The following NMNAT2 variants were observed in gnomAD, a reference collection of about 807,000 sequenced individuals.
The protein encoded by NMNAT2 is nicotinamide/nicotinic acid mononucleotide adenylyltransferase 2.
In NMNAT2, 11 loss-of-function variants were observed where a neutral mutation model predicts 41.6. The observed-to-expected ratio is 0.26, with a 90% CI of 0.17 to 0.44. The LOEUF is 0.44. NMNAT2 is among the 20% of genes least tolerant of loss of function. NMNAT2 has a pLI of 1.00. For missense variants in NMNAT2, 288 were observed against 407.7 expected, an observed-to-expected ratio of 0.71 and a Z score of 2.53; for synonymous variants, 148 against 151.2, an observed-to-expected ratio of 0.98 and a Z score of 0.16.
chr1:183,350,908 C>G (rs150680985), intron 1 of NMNAT2, among the ~76,000 whole-genome samples: 160 of 152,286 alleles, frequency 1.1e-3, no homozygotes, highest in Admixed American at 5.4e-3. Context: ...CGAGCTAGTT[C>G]ACTGAGTTCA....
rs543635337 is a variant in NMNAT2 at position 183,356,126 on chromosome 1, CAT to C, written c.85+62055_85+62056del. Reference sequence around the variant, plus strand: ...GACACTATTGAGAGGTGCACAATCTCATAGAATCCTCAGGACAACGCCAGGAA... The same window carrying C: ...GACACTATTGAGAGGTGCACAATCTCAGAATCCTCAGGACAACGCCAGGAA... On this transcript the variant is annotated intron_variant, in intron 1 of 10. Transcript: ENST00000287713. 6.6e-5 allele frequency among the ~76,000 whole-genome samples: 10 copies of C among 152,354 alleles called. No individual in the cohort carries two copies. In the South Asian group the frequency reaches 2.1e-3, roughly 32 times the overall value.
At chr1:183,289,893 G>T (rs934561319) in intron 4 of NMNAT2, among the ~76,000 whole-genome samples, 3 of 152,216 alleles carry the variant, frequency 2.0e-5, no homozygotes, top group African/African-American at 7.2e-5. Flanking sequence ...GGGAGGTCAA[G>T]ACAGAGGGTG....
intron 1 of NMNAT2, among the ~76,000 whole-genome samples, chr1:183,391,732 C>T (rs978459010): frequency 1.3e-5 from 2 of 152,146 alleles, no homozygotes; most frequent in Non-Finnish European, 2.9e-5. Context: ...GTGTCAAAGC[C>T]TTCAAAGTGG....
chr1:183,397,421 C>T (rs1378129729), intron 1 of NMNAT2, among the ~76,000 whole-genome samples: 1 of 151,986 alleles, frequency 6.6e-6, no homozygotes, highest in Admixed American at 6.6e-5. Context: ...TGTGAAAAGA[C>T]CAAATCTATG....
intron 1 of NMNAT2, among the ~76,000 whole-genome samples, chr1:183,324,940 A>C (rs948598117): frequency 6.6e-6 from 1 of 152,110 alleles, no homozygotes; most frequent in Non-Finnish European, 1.5e-5. Context: ...GAATGAATGG[A>C]TCTCTGGACT....
intron 3 of NMNAT2, among the ~76,000 whole-genome samples, chr1:183,292,369 G>A (rs1319931808): frequency 1.3e-5 from 2 of 152,192 alleles, no homozygotes; most frequent in African/African-American, 2.4e-5. Context: ...GGGCCCTTAG[G>A]GAGCCTGAGT....
intron 1 of NMNAT2, among the ~76,000 whole-genome samples, chr1:183,309,118 G>C (rs1224443872): frequency 6.6e-6 from 1 of 152,188 alleles, no homozygotes; most frequent in East Asian, 1.9e-4. Flanking sequence ...CCTGGGCTCA[G>C]CCTCCCGAGT....
At chr1:183,304,676 G>C (rs1318569425) in intron 1 of NMNAT2, 3 of 1,613,996 alleles carry the variant, frequency 1.9e-6, no homozygotes, top group South Asian at 1.1e-5. Flanking sequence ...TCACCTGAGA[G>C]AGTAACAAAC....
rs185504743 is a variant in NMNAT2, at chr1:183,273,111, C to T, written c.651+5442G>A. Among the ~76,000 whole-genome samples, 92 of 152,348 alleles carry T rather than the reference C, an allele frequency of 6.0e-4. 1 individual carries two copies. The highest frequency in any genetic ancestry group is 3.4e-3 in the Middle Eastern group (1 of 294). On this transcript the variant is annotated intron_variant, in intron 8 of 10. Coordinates refer to ENST00000287713, the MANE Select transcript of NMNAT2 (RefSeq NM_015039.4). Reference sequence around the variant, plus strand: ...TGGCCAATCAATGTAGCCAGCTGTTCGAACTGTGTTCAAATAAGACTGTTT... The same window carrying T: ...TGGCCAATCAATGTAGCCAGCTGTTTGAACTGTGTTCAAATAAGACTGTTT...
chr1:183,400,141 C>A (rs1407747590), intron 1 of NMNAT2, among the ~76,000 whole-genome samples: 4 of 152,164 alleles, frequency 2.6e-5, no homozygotes, highest in African/African-American at 9.7e-5. Flanking sequence ...TTGCAGATGA[C>A]ATGATTGTAT....
At chr1:183,297,041 C>T (rs1661720423) in intron 1 of NMNAT2, among the ~76,000 whole-genome samples, 1 of 151,440 alleles carries the variant, frequency 6.6e-6, no homozygotes, top group Non-Finnish European at 1.5e-5. Context: ...CTTTACTCTC[C>T]CTGTCCTCCA....
chr1:183,351,293 A>G (rs1663041748), intron 1 of NMNAT2, among the ~76,000 whole-genome samples: 1 of 152,204 alleles, frequency 6.6e-6, no homozygotes, highest in Admixed American at 6.5e-5. Context: ...TTGATGCTAG[A>G]CCCAACCTTC....
At chr1:183,405,509 T>C (rs962564383) in intron 1 of NMNAT2, among the ~76,000 whole-genome samples, 3 of 152,196 alleles carry the variant, frequency 2.0e-5, no homozygotes, top group Admixed American at 6.5e-5. Flanking sequence ...TATCCACCTC[T>C]GTTGGGACAA....
intron 1 of NMNAT2, among the ~76,000 whole-genome samples, chr1:183,401,514 T>C (rs1648807522): frequency 6.6e-6 from 1 of 152,224 alleles, no homozygotes; most frequent in Non-Finnish European, 1.5e-5. Context: ...TGGCGATTCC[T>C]GAAGGATCTA....
At chr1:183,255,913 C>G (rs1660505148) in intron 10 of NMNAT2, among the ~76,000 whole-genome samples, 2 of 151,944 alleles carry the variant, frequency 1.3e-5, no homozygotes, top group African/African-American at 4.8e-5. Flanking sequence ...ATCCACCTGC[C>G]TCCGCCTCCC....
chr1:183,278,812 C>T (rs1163534598), intron 7 of NMNAT2, 183 bp from the exon 8 acceptor site: 15 of 576,028 alleles, frequency 2.6e-5, no homozygotes, highest in East Asian at 1.8e-4. Context: ...ACCTCTTCCT[C>T]GGGCTCATTT....
At chr1:183,352,869 T>C (rs889582175) in intron 1 of NMNAT2, among the ~76,000 whole-genome samples, 1 of 152,210 alleles carries the variant, frequency 6.6e-6, no homozygotes, top group Non-Finnish European at 1.5e-5. Context: ...TCTGAGATTC[T>C]GTGATTCAAG....
chr1:183,279,887 C>T (rs1040455966), intron 7 of NMNAT2, among the ~76,000 whole-genome samples: 3 of 152,166 alleles, frequency 2.0e-5, no homozygotes, highest in Admixed American at 1.3e-4. Context: ...AGGGATTTTC[C>T]TTTATCTTTA....
chr1:183,274,758 C>T (rs1661080442), intron 8 of NMNAT2, among the ~76,000 whole-genome samples: 1 of 147,686 alleles, frequency 6.8e-6, no homozygotes, highest in African/African-American at 2.5e-5. Context: ...ATAGTGAGAC[C>T]TTGTCTCTAA....
Sources: gnomAD v4.1 joint callset for allele counts (sites outside exome capture counted in the v4.1 genomes callset) on GRCh38, gnomAD v4.1.1 for gene constraint, MANE v1.5 for transcripts, NCBI Gene and HGNC (gene_info 2026-07-23, HGNC 2026-07-21) for gene names.